ABCA3: variants seen among roughly 807,000 people sequenced by gnomAD.
ABCA3 encodes ATP binding cassette subfamily A member 3, also known as phospholipid-transporting ATPase ABCA3.
In ABCA3, 88 loss-of-function variants were observed where a neutral mutation model predicts 172.8. That is an observed-to-expected ratio of 0.51 (90% CI 0.43 to 0.61). The LOEUF is 0.61. Among genes scored for constraint, ABCA3 ranks in the 20% least tolerant of loss-of-function variants. The pLI, the probability that ABCA3 is intolerant of heterozygous loss-of-function variation, is 0.00. For synonymous variants in ABCA3, 1,066 were observed against 983.8 expected (o/e 1.08, Z -1.56); for missense variants, 2,164 against 2,301.0 (o/e 0.94, Z 1.22).
Position 2,287,088 on chromosome 16 carries a change from G to T in ABCA3, c.3005-121C>A. The T allele has an allele frequency of 9.0e-7, 1 of 1,108,170 alleles. No homozygotes were observed. Among genetic ancestry groups the T allele is most frequent in the Non-Finnish European group, 1.3e-6 (1 of 766,374 alleles). The allele number at this position is 1,108,170 out of a possible 1,614,324, so 68.6% of individuals were successfully genotyped here. ...GGTGCCAGCATCCTCTGAGCTGCCC[G>T]CCCCATCACCCTTCTCCTAAGGAGA... is the stretch of plus-strand genomic sequence containing the variant. On this transcript the variant is annotated intron_variant, in intron 21 of 32. Coordinates refer to ENST00000301732, the MANE Select transcript of ABCA3 (RefSeq NM_001089.3). This position sits in a 1 kb window ranked among gnomAD's most constrained non-coding sequence, Gnocchi z 4.1.
At chr16:2,325,943 A>G (rs569050315) in intron 5 of ABCA3, 67 bp downstream of exon 5, 25 of 1,604,068 alleles carry the variant, frequency 1.6e-5, no homozygotes, top group Non-Finnish European at 2.0e-5. Flanking sequence ...CCTGGGCTCG[A>G]CCCCTGCCTG....
At chr16:2,296,899 G>C (rs962733503) in intron 17 of ABCA3, among the ~76,000 whole-genome samples, 7 of 152,204 alleles carry the variant, frequency 4.6e-5, no homozygotes, top group African/African-American at 7.2e-5. Context: ...GATCGTGCTG[G>C]ACCAGGAGGT....
rs1185200028 is a variant in ABCA3 at position 2,326,094 on chromosome 16, C to T, written c.235G>A (p.Glu79Lys). The T allele has an allele frequency of 1.9e-6, 3 of 1,613,978 alleles. No individual in the cohort carries two copies. Among genetic ancestry groups the T allele is most frequent in the African/African-American group, 2.7e-5 (2 of 74,902 alleles). ...CTGTGAGAAGGGATGTAGGCAAGCT[C>T]CCAGGTGTCTCCTGGCGGAGGGAAG... ...FTFPPPGDTW[E>K]LAYIPSHSDA... The change falls in exon 5 of 33, where the codon GAG (glutamate) becomes AAG (lysine). Residue 79 changes from glutamate to lysine, a missense_variant. Glu to Lys is a moderately conservative substitution (Grantham distance 56, BLOSUM62 1). Transcript: ENST00000301732.
chr16:2,276,810 G>C lies in ABCA3; in HGVS notation c.4984-5C>G. On this transcript the variant is annotated splice_region_variant and splice_polypyrimidine_tract_variant and intron_variant, in intron 32 of 32. Transcript: ENST00000301732. The stretch of plus-strand genomic sequence containing the variant: ...TTTCTCCAGAATACCGAAAACCTTT[G>C]GGGAGCAGAAAAGTCACTGGTAGGA... 6.2e-7 allele frequency: 1 copy of C among 1,613,634 alleles called. No homozygotes were observed. The highest frequency in any genetic ancestry group is 8.5e-7 in the Non-Finnish European group (1 of 1,179,996).
Position 2,286,912 on chromosome 16 carries a change from A to G in ABCA3, c.3060T>C (p.Asn1020=). ...AGGACGCTGCCACAAGGCACCGCTC[A>G]TTAAAGCCGCCCCCCTCCACAGAAG... is the stretch of plus-strand genomic sequence containing the variant. ...FRASVEGGGF[N]ERCLVAASFR... The change falls in exon 22 of 33, where the codon AAT becomes AAC. Residue 1020 remains asparagine (N), a synonymous_variant. Coordinates refer to ENST00000301732, the MANE Select transcript of ABCA3 (RefSeq NM_001089.3). This position sits in a 1 kb window ranked among gnomAD's most constrained non-coding sequence, Gnocchi z 5.2. 1 of 1,614,040 alleles carries G rather than the reference A, an allele frequency of 6.2e-7. No homozygotes were observed. Among genetic ancestry groups the G allele is most frequent in the Non-Finnish European group, 8.5e-7 (1 of 1,180,008 alleles).
chr16:2,319,993 G>A (rs1473463876), intron 7 of ABCA3, among the ~76,000 whole-genome samples, 153 bp from the exon 8 acceptor site: 1 of 152,156 alleles, frequency 6.6e-6, no homozygotes, highest in Non-Finnish European at 1.5e-5. Flanking sequence ...GGTCCCACGG[G>A]AGAAGGAAGG....
Position 2,295,635 on chromosome 16 carries a change from G to A in ABCA3, c.2369C>T (p.Ala790Val), listed in dbSNP as rs765454947. 8.7e-6 allele frequency: 14 copies of A among 1,613,894 alleles called. No individual in the cohort carries two copies. The South Asian group carries it at 1.5e-4, about 18-fold the overall frequency. Residue 790 changes from alanine to valine, a missense_variant, in exon 18 of 33, where the codon GCT becomes GTT. Physicochemically the swap from Ala to Val is moderately conservative, Grantham distance 64 (BLOSUM62 0). Coordinates refer to ENST00000301732, the MANE Select transcript of ABCA3 (RefSeq NM_001089.3). ...HVPNATLESS[A>V]GAELSFILPR... Reference sequence around the variant, plus strand: ...AAGGATGAAAGACAGCTCGGCCCCAGCGCTGCTCTCCAGCGTGGCGTTGGG... The same window carrying A: ...AAGGATGAAAGACAGCTCGGCCCCAACGCTGCTCTCCAGCGTGGCGTTGGG...
At chr16:2,326,550 G>A in intron 3 of ABCA3, 58 bp from the exon 4 acceptor site, 1 of 1,533,686 alleles carries the variant, frequency 6.5e-7, no homozygotes, top group Non-Finnish European at 8.9e-7. Flanking sequence ...GCAGAGTGGG[G>A]ATTTGGGGAA....
rs2093681435 is a variant in ABCA3, at chr16:2,297,377, C to T, written c.2215G>A (p.Gly739Arg). Residue 739 changes from glycine to arginine, a missense_variant, in exon 17 of 33, where the codon GGG becomes AGG. This residue lies in a region of ABCA3 where 1,343 missense variants were observed against 1,369.6 expected (regional missense o/e 0.98). Coordinates refer to ENST00000301732, the MANE Select transcript of ABCA3 (RefSeq NM_001089.3). This position sits in a 1 kb window ranked among gnomAD's most constrained non-coding sequence, Gnocchi z 5.6. ...GAGGACCCGCAGCACTGCAGCTCCCCCTTGGCCATGATGGCGATGCGGTCT... is the reference window on the plus strand; with the variant it reads ...GAGGACCCGCAGCACTGCAGCTCCCTCTTGGCCATGATGGCGATGCGGTCT... ...LGDRIAIMAK[G>R]ELQCCGSSLF... The T allele has an allele frequency of 2.5e-6, 4 of 1,613,160 alleles. No homozygotes were observed. Among genetic ancestry groups the T allele is most frequent in the African/African-American group, 2.7e-5 (2 of 74,866 alleles).
chr16:2,325,205 G>C (rs2141739513), intron 5 of ABCA3, among the ~76,000 whole-genome samples: 1 of 152,308 alleles, frequency 6.6e-6, no homozygotes, highest in Non-Finnish European at 1.5e-5. Context: ...TCCCAGAAAA[G>C]GTTCTTGGCA....
At chr16:2,314,297 G>A (rs1048764064) in intron 10 of ABCA3, among the ~76,000 whole-genome samples, 7 of 152,184 alleles carry the variant, frequency 4.6e-5, no homozygotes, top group Non-Finnish European at 8.8e-5. Flanking sequence ...CCTTGAAAAG[G>A]AGGGGAATTC....
intron 5 of ABCA3, 111 bp downstream of exon 5, chr16:2,325,899 C>G: frequency 6.7e-7 from 1 of 1,489,810 alleles, no homozygotes. Context: ...CAAGTCTGCA[C>G]AGGGTGAACT....
intron 12 of ABCA3, among the ~76,000 whole-genome samples, chr16:2,301,587 G>C (rs193162074): frequency 6.6e-6 from 1 of 151,706 alleles, no homozygotes; most frequent in Admixed American, 6.6e-5. Context: ...GTGGGTGCCT[G>C]TAATCCCAGC....
chr16:2,284,936 C>T lies in ABCA3; in HGVS notation c.3546G>A (p.Leu1182=). ...CCCAGCCGTAGAGCAGGAGCAGCAG[C>T]AGGGTGTCAGCCATGTGGCCGTCCC... The part of the protein sequence containing the change: ...FTRDGHMADT[L]LLLLLYGWAI... The change falls in exon 24 of 33, where the codon CTG becomes CTA. Residue 1182 remains leucine (L), a synonymous_variant. Coordinates refer to ENST00000301732, the MANE Select transcript of ABCA3 (RefSeq NM_001089.3). This position sits in a 1 kb window ranked among gnomAD's most constrained non-coding sequence, Gnocchi z 5.9. 5 of 1,613,914 alleles carry T rather than the reference C, an allele frequency of 3.1e-6. No individual in the cohort carries two copies. The highest frequency in any genetic ancestry group is 4.2e-6 in the Non-Finnish European group (5 of 1,180,006).
At chr16:2,313,190 T>C (rs984804179) in intron 10 of ABCA3, among the ~76,000 whole-genome samples, 1 of 152,176 alleles carries the variant, frequency 6.6e-6, no homozygotes, top group African/African-American at 2.4e-5. Context: ...GTTTTGCTCA[T>C]CATTGTTTTT....
chr16:2,326,360 A>G, intron 4 of ABCA3, 53 bp downstream of exon 4: 2 of 1,612,358 alleles, frequency 1.2e-6, no homozygotes, highest in Non-Finnish European at 1.7e-6. Context: ...GGGCATCCCC[A>G]GGAGCCTCTG....
intron 17 of ABCA3, among the ~76,000 whole-genome samples, chr16:2,296,892 C>T (rs1006179973): frequency 5.9e-5 from 9 of 152,184 alleles, no homozygotes; most frequent in East Asian, 1.9e-4. Context: ...ACACCCAGAT[C>T]GTGCTGGACC....
In ABCA3 at chr16:2,285,734, A is replaced by G. The variant is rs2093662123; in HGVS notation, c.3279-88T>C. 1 of 1,345,982 alleles carries G rather than the reference A, an allele frequency of 7.4e-7. No individual in the cohort carries two copies. The highest frequency in any genetic ancestry group is 2.0e-5 in the Admixed American group (1 of 50,716). The allele number at this position is 1,345,982 out of a possible 1,614,324, so 83.4% of individuals were successfully genotyped here. On this transcript the variant is annotated intron_variant, in intron 22 of 32. Coordinates refer to ENST00000301732, the MANE Select transcript of ABCA3 (RefSeq NM_001089.3). The surrounding 1 kb of genome is among the most constrained non-coding windows in gnomAD (Gnocchi z 4.7). ...GTTCTCGGTTATGACCGCCCAAGGC[A>G]TGCAGGGCAGCAGCCCAACCACTAA...
intron 20 of ABCA3, chr16:2,288,994 T>G (rs778018194): frequency 3.6e-5 from 7 of 193,350 alleles, no homozygotes; most frequent in Non-Finnish European, 5.4e-5. Flanking sequence ...TCCAGCTTCT[T>G]TCCTTCCTGG....
Sources: gnomAD v4.1 joint callset for allele counts (sites outside exome capture counted in the v4.1 genomes callset) on GRCh38, gnomAD v4.1.1 for gene constraint, gnomAD v4.1.1 regional missense constraint, Gnocchi (gnomAD v3.1) non-coding constraint, MANE v1.5 for transcripts, NCBI Gene and HGNC (gene_info 2026-07-23, HGNC 2026-07-21) for gene names.